The following ZNF423 variants were observed in gnomAD, a reference collection of about 807,000 sequenced individuals.
ZNF423 encodes zinc finger protein 423, also known as Ebf-associated zinc finger protein.
ZNF423 carries 12 observed loss-of-function variants against 95.8 expected under a neutral mutation model. The observed-to-expected ratio is 0.13, with a 90% CI of 0.08 to 0.20. The LOEUF is 0.20. Ranked by LOEUF, ZNF423 falls within the 10% of genes least tolerant of loss-of-function variation. The pLI is 1.00. For missense variants in ZNF423, 1,316 were observed against 1,737.1 expected, an observed-to-expected ratio of 0.76 and a Z score of 4.31; for synonymous variants, 749 against 711.9, an observed-to-expected ratio of 1.05 and a Z score of -0.83.
chr16:49,533,192 A>G (rs910591671), intron 5 of ZNF423, among the ~76,000 whole-genome samples: 7 of 152,178 alleles, frequency 4.6e-5, no homozygotes, highest in African/African-American at 1.4e-4. Flanking sequence ...TGATTCCAGC[A>G]TCTGACAAGT....
intron 3 of ZNF423, among the ~76,000 whole-genome samples, chr16:49,665,147 G>C (rs2030475646): frequency 6.6e-6 from 1 of 152,256 alleles, no homozygotes; most frequent in South Asian, 2.1e-4. Context: ...CCCAAGGGGT[G>C]GCACTTCCAA....
chr16:49,639,515 A>G (rs1972898394), intron 3 of ZNF423, among the ~76,000 whole-genome samples: 1 of 152,334 alleles, frequency 6.6e-6, no homozygotes, highest in African/African-American at 2.4e-5. Flanking sequence ...TTCAGTGCTC[A>G]GGTGGGAAGG....
intron 3 of ZNF423, among the ~76,000 whole-genome samples, chr16:49,670,841 G>A (rs1473784944): frequency 1.3e-5 from 2 of 152,348 alleles, no homozygotes; most frequent in East Asian, 1.9e-4. Flanking sequence ...GGCTTGAGGC[G>A]AGACGTTTAA....
chr16:49,549,435 C>T (rs1246071141), intron 5 of ZNF423, among the ~76,000 whole-genome samples: 1 of 152,176 alleles, frequency 6.6e-6, no homozygotes, highest in Non-Finnish European at 1.5e-5. Flanking sequence ...CATGGGCTCC[C>T]CTGTGAACCT....
chr16:49,787,761 T>A (rs2034340322), intron 2 of ZNF423, among the ~76,000 whole-genome samples: 1 of 152,140 alleles, frequency 6.6e-6, no homozygotes, highest in African/African-American at 2.4e-5. Context: ...TGCACGCCAC[T>A]GCTGTTCCCA....
chr16:49,641,407 G>A (rs1972971365), intron 3 of ZNF423, among the ~76,000 whole-genome samples: 1 of 152,212 alleles, frequency 6.6e-6, no homozygotes, highest in South Asian at 2.1e-4. Context: ...AGAGGGCTGG[G>A]GCTGGCCCAT....
At position 49,651,016 on chromosome 16, in the gene ZNF423, C is replaced by T. The variant is rs1184512288; in HGVS notation, c.302-12142G>A. On this transcript the variant is annotated intron_variant, in intron 3 of 7. Coordinates refer to ENST00000563137, the MANE Select transcript of ZNF423 (RefSeq NM_001379286.1). Reference sequence around the variant, plus strand: ...TTCCTTAATTCACAGTCACTTTTGGCTTTTTTTTTTTCTTTTTTCTTAGAG... The same window carrying T: ...TTCCTTAATTCACAGTCACTTTTGGTTTTTTTTTTTTCTTTTTTCTTAGAG... 8.2e-5 allele frequency among the ~76,000 whole-genome samples: 12 copies of T among 145,462 alleles called. No homozygotes were observed. The East Asian group carries it at 1.0e-3, about 12-fold the overall frequency.
intron 3 of ZNF423, among the ~76,000 whole-genome samples, chr16:49,686,304 G>A (rs1484418600): frequency 1.3e-5 from 2 of 152,262 alleles, no homozygotes; most frequent in East Asian, 1.9e-4. Context: ...AGGCAGGAAG[G>A]CCAGCCTCGC....
chr16:49,750,795 G>A (rs965583401), intron 2 of ZNF423, among the ~76,000 whole-genome samples: 3 of 152,218 alleles, frequency 2.0e-5, no homozygotes, highest in Non-Finnish European at 4.4e-5. Flanking sequence ...GCTGGAAGAC[G>A]CCAGCTCCAG....
chr16:49,762,405 C>T (rs1056870328), intron 2 of ZNF423, among the ~76,000 whole-genome samples: 1 of 152,218 alleles, frequency 6.6e-6, no homozygotes, highest in Non-Finnish European at 1.5e-5. Context: ...ATGCCCCACA[C>T]AGAAGCCTGT....
intron 5 of ZNF423, among the ~76,000 whole-genome samples, chr16:49,579,223 C>A (rs1434134247): frequency 2.7e-5 from 4 of 150,442 alleles, no homozygotes; most frequent in African/African-American, 7.4e-5. Flanking sequence ...CCCCCCACCC[C>A]CACCCACTGC....
At chr16:49,628,334 C>A (rs763102173) in intron 4 of ZNF423, among the ~76,000 whole-genome samples, 23 of 151,360 alleles carry the variant, frequency 1.5e-4, no homozygotes, top group African/African-American at 5.3e-4. Flanking sequence ...CATCTACCCA[C>A]GCATCCATCC....
In ZNF423 at chr16:49,635,556, CG is replaced by C. The variant is rs1972658433; in HGVS notation, c.3516+103del. On this transcript the variant is annotated intron_variant, in intron 4 of 7. Transcript: ENST00000563137. This position sits in a 1 kb window ranked among gnomAD's most constrained non-coding sequence, Gnocchi z 4.8. ...GTTCTGTTTTGCCACTGCGCGATAG[CG>C]CCGCTTCTTGGAAACACGGCACTCA... The C allele has an allele frequency of 7.0e-7, 1 of 1,436,038 alleles. No individual in the cohort carries two copies. Among genetic ancestry groups the C allele is most frequent in the Non-Finnish European group, 9.3e-7 (1 of 1,079,938 alleles). 89.0% of individuals were successfully genotyped at this position (1,436,038 alleles called of 1,614,324 possible).
At chr16:49,619,747 GA>G (rs957315659) in intron 5 of ZNF423, among the ~76,000 whole-genome samples, 2 of 152,186 alleles carry the variant, frequency 1.3e-5, no homozygotes, top group Non-Finnish European at 2.9e-5. Context: ...GGTGTTACCT[GA>G]ATCAAAAGCA....
chr16:49,539,988 G>A (rs1969193099), intron 5 of ZNF423, among the ~76,000 whole-genome samples: 1 of 152,130 alleles, frequency 6.6e-6, no homozygotes. Flanking sequence ...CAGGATGCAG[G>A]AGCCGCTCTA....
intron 5 of ZNF423, among the ~76,000 whole-genome samples, 192 bp downstream of exon 5, chr16:49,625,978 G>A (rs556732585): frequency 7.9e-5 from 12 of 152,306 alleles, no homozygotes; most frequent in African/African-American, 2.6e-4. Context: ...AATGTGAGTG[G>A]AGCTGCGACA....
chr16:49,702,828 T>C (rs1181628451), intron 3 of ZNF423, among the ~76,000 whole-genome samples: 1 of 152,082 alleles, frequency 6.6e-6, no homozygotes, highest in Non-Finnish European at 1.5e-5. Flanking sequence ...TTCCAAGCTC[T>C]CATCTCCAAA....
rs184360909 is a variant in ZNF423, at chr16:49,825,767, C to A, written c.40+29968G>T. ...AAAATCACACCTCAATATCAATGAG[C>A]GAGGGCGTGAATGAACGAAGTGGTC... On this transcript the variant is annotated intron_variant, in intron 1 of 7. Transcript: ENST00000563137. 2.7e-3 allele frequency among the ~76,000 whole-genome samples: 416 copies of A among 152,292 alleles called. 1 individual carries two copies. The highest frequency in any genetic ancestry group is 9.7e-3 in the African/African-American group (405 of 41,548).
At chr16:49,522,254 G>A (rs1290019142) in intron 7 of ZNF423, among the ~76,000 whole-genome samples, 1 of 152,256 alleles carries the variant, frequency 6.6e-6, no homozygotes, top group Non-Finnish European at 1.5e-5. Flanking sequence ...TGCCTCACCC[G>A]CTTTGAGGTT....
Sources: gnomAD v4.1 joint callset for allele counts (sites outside exome capture counted in the v4.1 genomes callset) on GRCh38, gnomAD v4.1.1 for gene constraint, Gnocchi (gnomAD v3.1) non-coding constraint, MANE v1.5 for transcripts, NCBI Gene and HGNC (gene_info 2026-07-23, HGNC 2026-07-21) for gene names.